CDK14: variants seen among roughly 807,000 people sequenced by gnomAD.
The protein encoded by CDK14 is cyclin dependent kinase 14.
A neutral mutation model predicts 60.7 loss-of-function variants in CDK14; 34 were observed. The observed-to-expected ratio is 0.56, with a 90% CI of 0.43 to 0.75. The LOEUF (loss-of-function observed/expected upper bound fraction) is 0.75, where lower values mean the gene tolerates loss of function less well. Ranked by LOEUF, CDK14 falls within the 30% of genes least tolerant of loss-of-function variation. The pLI is 0.00. For missense variants in CDK14, 482 were observed against 564.1 expected (o/e 0.85, Z 1.47); for synonymous variants, 197 against 203.7 (o/e 0.97, Z 0.28).
intron 7 of CDK14, among the ~76,000 whole-genome samples, chr7:90,906,761 G>T (rs946187285): frequency 4.6e-5 from 7 of 151,816 alleles, no homozygotes; most frequent in Admixed American, 1.3e-4. Flanking sequence ...GAATGAAGGG[G>T]AGAAAAAAAG....
intron 2 of CDK14, among the ~76,000 whole-genome samples, chr7:90,618,860 A>G (rs746173337): frequency 1.3e-5 from 2 of 152,202 alleles, no homozygotes; most frequent in Non-Finnish European, 2.9e-5. Context: ...CTTTTCTGAT[A>G]CCATTTGGAC....
chr7:90,605,253 A>G (rs1323495330), intron 2 of CDK14, among the ~76,000 whole-genome samples: 1 of 152,056 alleles, frequency 6.6e-6, no homozygotes, highest in Non-Finnish European at 1.5e-5. Flanking sequence ...CCAGGCTGGG[A>G]TTTCTGGATG....
At chr7:91,176,696 C>T (rs1262853251) in intron 14 of CDK14, among the ~76,000 whole-genome samples, 1 of 151,938 alleles carries the variant, frequency 6.6e-6, no homozygotes, top group Non-Finnish European at 1.5e-5. Context: ...TGCAAATAAA[C>T]TAGAAAATCT....
At chr7:90,727,337 A>G (rs1802680826) in intron 3 of CDK14, among the ~76,000 whole-genome samples, 1 of 152,142 alleles carries the variant, frequency 6.6e-6, no homozygotes, top group East Asian at 1.9e-4. Context: ...ATGCTGGAGT[A>G]GAAATCTGTG....
At position 90,713,627 on chromosome 7, in the gene CDK14, C is replaced by CTT. The variant is rs34802725; in HGVS notation, c.124-12924_124-12923dup. Among the ~76,000 whole-genome samples the CTT allele has an allele frequency of 2.9e-3, 383 of 133,776 alleles. 3 individuals are homozygous for CTT. Among genetic ancestry groups the CTT allele is most frequent in the Middle Eastern group, 0.023 (6 of 260 alleles). The allele number at this position is 133,776 out of a possible 152,430, so 87.8% of individuals were successfully genotyped here. On this transcript the variant is annotated intron_variant, in intron 2 of 14. Coordinates refer to ENST00000380050, the MANE Select transcript of CDK14 (RefSeq NM_001287135.2). Reference sequence around the variant, plus strand: ...GTTATTTTGCACAGCTTTGGAAGTACTTTTTTTTTTTTTTTTTCATCAGGA... The same window carrying CTT: ...GTTATTTTGCACAGCTTTGGAAGTACTTTTTTTTTTTTTTTTTTTCATCAGGA...
chr7:90,705,218 A>G (rs1801871643), intron 2 of CDK14, among the ~76,000 whole-genome samples: 1 of 152,000 alleles, frequency 6.6e-6, no homozygotes. Flanking sequence ...GCTGATTATT[A>G]TAGTTAGATT....
chr7:90,850,275 A>G (rs543619678), intron 5 of CDK14, among the ~76,000 whole-genome samples: 1 of 150,534 alleles, frequency 6.6e-6, no homozygotes, highest in East Asian at 1.9e-4. Flanking sequence ...GCAGTGATTT[A>G]TGGAGGATCC....
At chr7:90,600,110 T>C (rs1274567739) in intron 1 of CDK14, among the ~76,000 whole-genome samples, 1 of 152,206 alleles carries the variant, frequency 6.6e-6, no homozygotes, top group Non-Finnish European at 1.5e-5. Context: ...TATGGTTCTT[T>C]TATAAGATGA....
intron 2 of CDK14, among the ~76,000 whole-genome samples, chr7:90,607,906 G>C (rs981981522): frequency 7.2e-5 from 11 of 152,100 alleles, no homozygotes; most frequent in Non-Finnish European, 1.2e-4. Context: ...AATTTTATTA[G>C]TTTCAGTCCT....
chr7:91,164,254 C>T (rs1801270799), intron 14 of CDK14, among the ~76,000 whole-genome samples: 1 of 152,080 alleles, frequency 6.6e-6, no homozygotes, highest in South Asian at 2.1e-4. Context: ...AGCTGAGATC[C>T]AAAACTATGA....
intron 3 of CDK14, among the ~76,000 whole-genome samples, chr7:90,742,906 G>C (rs1803410347): frequency 6.6e-6 from 1 of 151,862 alleles, no homozygotes; most frequent in Admixed American, 6.6e-5. Context: ...AGGTATTTTG[G>C]CTTTAAGATT....
chr7:90,601,934 GTATGTA>G (rs1246927471), intron 1 of CDK14, among the ~76,000 whole-genome samples: 1 of 148,446 alleles, frequency 6.7e-6, no homozygotes, highest in Admixed American at 6.7e-5. Context: ...ATGTATGTAT[GTATGTA>G]TGTATGTATG....
At chr7:90,673,955 A>C (rs1024394759) in intron 2 of CDK14, among the ~76,000 whole-genome samples, 4 of 152,182 alleles carry the variant, frequency 2.6e-5, no homozygotes, top group African/African-American at 9.7e-5. Flanking sequence ...CCATATGTAC[A>C]CACCACTTAC....
chr7:90,840,592 T>G (rs926940598), intron 5 of CDK14, among the ~76,000 whole-genome samples: 1 of 152,194 alleles, frequency 6.6e-6, no homozygotes, highest in Non-Finnish European at 1.5e-5. Flanking sequence ...GACTGGTGGT[T>G]GGAGAATTGG....
chr7:90,904,576 TGAAAAATGG>T (rs1304677456), intron 7 of CDK14, among the ~76,000 whole-genome samples: 1 of 151,112 alleles, frequency 6.6e-6, no homozygotes, highest in Non-Finnish European at 1.5e-5. Context: ...AATACAAAGA[TGAAAAATGG>T]GAAAGAAAGT....
chr7:90,788,329 T>G (rs1408252027), intron 4 of CDK14, among the ~76,000 whole-genome samples: 3 of 152,156 alleles, frequency 2.0e-5, no homozygotes, highest in Non-Finnish European at 4.4e-5. Flanking sequence ...CCTGCCAAAG[T>G]GCTTAGTCCT....
intron 5 of CDK14, among the ~76,000 whole-genome samples, chr7:90,813,301 C>A (rs780684063): frequency 6.6e-6 from 1 of 152,168 alleles, no homozygotes; most frequent in Non-Finnish European, 1.5e-5. Context: ...TGAACTGTTA[C>A]AACTCTCTGG....
chr7:91,176,443 A>G (rs1426839371), intron 14 of CDK14, among the ~76,000 whole-genome samples: 1 of 152,226 alleles, frequency 6.6e-6, no homozygotes, highest in African/African-American at 2.4e-5. Flanking sequence ...AGCAGAAGCA[A>G]GAAATAACTA....
rs1338083201 is a variant in CDK14 at position 90,753,829 on chromosome 7, AC to A, written c.464+6056del. 2.3e-4 allele frequency among the ~76,000 whole-genome samples: 35 copies of A among 152,326 alleles called. 1 individual carries two copies. The highest frequency in any genetic ancestry group is 7.7e-4 in the African/African-American group (32 of 41,588). ...ATAAAATCCAGCATTATTTCTATAC[AC>A]CAGCAGCATTCAAGCTGAGAATTAA... On this transcript the variant is annotated intron_variant, in intron 4 of 14. Coordinates refer to ENST00000380050, the MANE Select transcript of CDK14 (RefSeq NM_001287135.2).
Sources: allele counts gnomAD v4.1 joint callset (sites outside exome capture counted in the v4.1 genomes callset), GRCh38; gene constraint gnomAD v4.1.1; transcripts MANE v1.5; gene names NCBI Gene and HGNC (gene_info 2026-07-23, HGNC 2026-07-21).